Variants in TSC22D1 observed in about 807,000 individuals in gnomAD.
TSC22D1 encodes the protein TSC22 domain family protein 1.
Under a neutral mutation model 74.2 loss-of-function variants are expected in TSC22D1, and 9 were observed. The ratio of observed to expected loss-of-function variants is 0.12; its 90% CI spans 0.07 to 0.21. The LOEUF (loss-of-function observed/expected upper bound fraction) is 0.21. Among genes scored for constraint, TSC22D1 ranks in the 10% least tolerant of loss-of-function variants. The pLI, the probability that TSC22D1 is intolerant of heterozygous loss-of-function variation, is 1.00. For synonymous variants in TSC22D1, 586 were observed against 492.5 expected, an observed-to-expected ratio of 1.19 and a Z score of -2.51; for missense variants, 1,427 against 1,304.7, an observed-to-expected ratio of 1.09 and a Z score of -1.44.
intron 1 of TSC22D1, among the ~76,000 whole-genome samples, chr13:44,517,715 C>T (rs1205510080): frequency 7.0e-6 from 1 of 141,944 alleles, no homozygotes; most frequent in Non-Finnish European, 1.5e-5. Context: ...AAGTATTTTC[C>T]AGCTTAATAC....
chr13:44,434,039 T>TTTTGTCAC lies in TSC22D1; in HGVS notation c.*579_*586dup, dbSNP rs1177673636. ...CCTAGGTCCCAGCTACCTGTCACCA[T>TTTTGTCAC]TTTGTCACTCTCATAGTTTTGTGTC... On this transcript the variant is annotated 3_prime_UTR_variant, in exon 3 of 3. Transcript: ENST00000458659. 1.3e-6 allele frequency: 2 copies of TTTTGTCAC among 1,533,426 alleles called. No individual in the cohort carries two copies. Among genetic ancestry groups the TTTTGTCAC allele is most frequent in the African/African-American group, 2.7e-5 (2 of 72,900 alleles). The allele number at this position is 1,533,426 out of a possible 1,614,324, so 95.0% of individuals were successfully genotyped here. A position where few individuals can be genotyped will look rare whatever the true frequency, so the allele number is the denominator to read the frequency against.
At chr13:44,520,333 C>G (rs1880251543) in intron 1 of TSC22D1, among the ~76,000 whole-genome samples, 2 of 152,186 alleles carry the variant, frequency 1.3e-5, no homozygotes, top group African/African-American at 4.8e-5. Flanking sequence ...TCTACTGTTT[C>G]AAATGCTGCT....
chr13:44,456,293 C>T (rs571611846), intron 1 of TSC22D1, among the ~76,000 whole-genome samples: 2 of 152,182 alleles, frequency 1.3e-5, no homozygotes, highest in African/African-American at 4.8e-5. Context: ...CTTTTATTCC[C>T]TTATTTGGCC....
At position 44,573,175 on chromosome 13, in the gene TSC22D1, C is replaced by T; in HGVS notation, c.2900G>A (p.Gly967Asp). 3.1e-6 allele frequency: 5 copies of T among 1,613,812 alleles called. No homozygotes were observed. Among genetic ancestry groups the T allele is most frequent in the Non-Finnish European group, 4.2e-6 (5 of 1,179,812 alleles). The change falls in exon 1 of 3, where the codon GGC becomes GAC. Residue 967 changes from glycine to aspartate, a missense_variant. This residue lies in a region of TSC22D1 where 1,343 missense variants were observed against 1,191.5 expected (regional missense o/e 1.13). Coordinates refer to ENST00000458659, the MANE Select transcript of TSC22D1 (RefSeq NM_183422.4). ...VLPLTTPLVD[G>D]EDESSSGASV... is the part of the protein sequence containing the mutation. ...GACATGATCTTACCTCTCATCCTCGCCATCCACCAGGGGTGTCGTCAGCGG... is the reference window on the plus strand; with the variant it reads ...GACATGATCTTACCTCTCATCCTCGTCATCCACCAGGGGTGTCGTCAGCGG...
intron 1 of TSC22D1, among the ~76,000 whole-genome samples, chr13:44,455,956 G>C (rs764889295): frequency 1.3e-5 from 2 of 152,122 alleles, no homozygotes; most frequent in Admixed American, 6.5e-5. Flanking sequence ...AAAGTCCAAA[G>C]ACCATTGATA....
intron 1 of TSC22D1, among the ~76,000 whole-genome samples, chr13:44,478,201 G>A (rs949570388): frequency 1.3e-5 from 2 of 151,976 alleles, no homozygotes; most frequent in East Asian, 3.8e-4. Context: ...AATTCTGCAA[G>A]CCTTAAGTTA....
chr13:44,476,962 C>T (rs998197917), intron 1 of TSC22D1, among the ~76,000 whole-genome samples: 19 of 152,118 alleles, frequency 1.2e-4, no homozygotes, highest in African/African-American at 4.6e-4. Context: ...AGTTGCCACA[C>T]CTGGCCTGTT....
intron 1 of TSC22D1, among the ~76,000 whole-genome samples, chr13:44,506,605 C>A (rs1879460571): frequency 6.6e-6 from 1 of 152,068 alleles, no homozygotes; most frequent in South Asian, 2.1e-4. Flanking sequence ...CCTACACATC[C>A]TGCACATGTA....
At chr13:44,459,482 C>T (rs1463295192) in intron 1 of TSC22D1, among the ~76,000 whole-genome samples, 1 of 152,350 alleles carries the variant, frequency 6.6e-6, no homozygotes, top group South Asian at 2.1e-4. Context: ...CTGCCTTGCT[C>T]TCCCTCCAGT....
intron 1 of TSC22D1, among the ~76,000 whole-genome samples, chr13:44,469,711 A>C (rs1877490895): frequency 6.6e-6 from 1 of 152,190 alleles, no homozygotes; most frequent in Non-Finnish European, 1.5e-5. Context: ...AGGAAAATGT[A>C]CCCAATCCTA....
At chr13:44,538,247 T>C in intron 1 of TSC22D1, 1 of 985,360 alleles carries the variant, frequency 1.0e-6, no homozygotes, top group Non-Finnish European at 1.2e-6. Flanking sequence ...GCTACTTACA[T>C]CTCAAAAGAT....
chr13:44,549,647 C>T (rs949931425), intron 1 of TSC22D1, among the ~76,000 whole-genome samples: 6 of 151,664 alleles, frequency 4.0e-5, no homozygotes, highest in African/African-American at 1.2e-4. Context: ...CACCTGTAGT[C>T]CCAGCTACTT....
chr13:44,441,510 T>C (rs1875204840), intron 1 of TSC22D1, among the ~76,000 whole-genome samples: 2 of 152,188 alleles, frequency 1.3e-5, no homozygotes, highest in African/African-American at 4.8e-5. Flanking sequence ...AAAAATTGCA[T>C]GGCAGGAATG....
intron 1 of TSC22D1, among the ~76,000 whole-genome samples, chr13:44,497,344 T>C (rs1333733802): frequency 6.6e-6 from 1 of 152,150 alleles, no homozygotes; most frequent in Non-Finnish European, 1.5e-5. Context: ...ATAGGTAAAT[T>C]CATAGAAACA....
intron 1 of TSC22D1, among the ~76,000 whole-genome samples, chr13:44,502,259 T>TG (rs1441242162): frequency 6.6e-6 from 1 of 152,222 alleles, no homozygotes; most frequent in East Asian, 1.9e-4. Flanking sequence ...ATTGGATACT[T>TG]GCTTAAGATG....
Position 44,521,221 on chromosome 13 carries a change from C to T in TSC22D1, c.2912+51942G>A, listed in dbSNP as rs147237110. Reference sequence around the variant, plus strand: ...TGGGACTTCTAGGACGCTAACCCCCCACTATCAAATAATAAAAGATACAAA... The same window carrying T: ...TGGGACTTCTAGGACGCTAACCCCCTACTATCAAATAATAAAAGATACAAA... On this transcript the variant is annotated intron_variant, in intron 1 of 2. Transcript: ENST00000458659. Among the ~76,000 whole-genome samples the T allele has an allele frequency of 2.6e-5, 4 of 152,282 alleles. No homozygotes were observed. In the East Asian group the frequency reaches 5.8e-4, roughly 22 times the overall value.
intron 1 of TSC22D1, among the ~76,000 whole-genome samples, chr13:44,460,925 T>G (rs557778041): frequency 6.6e-6 from 1 of 152,358 alleles, no homozygotes; most frequent in African/African-American, 2.4e-5. Flanking sequence ...AACAATGGTT[T>G]TTCTTAGCAG....
At position 44,433,772 on chromosome 13, in the gene TSC22D1, T is replaced by C. The variant is rs1874258404; in HGVS notation, c.*854A>G. ...CTTCAGCGTATTCAGCAGCTAGATT[T>C]CAGATTACACAAAGTGAGTAACTGT... On this transcript the variant is annotated 3_prime_UTR_variant, in exon 3 of 3. Coordinates refer to ENST00000458659, the MANE Select transcript of TSC22D1 (RefSeq NM_183422.4). The C allele has an allele frequency of 3.8e-6, 2 of 521,762 alleles. No homozygotes were observed. Among genetic ancestry groups the C allele is most frequent in the African/African-American group, 2.0e-5 (1 of 49,640 alleles). The allele number at this position is 521,762 out of a possible 1,614,324, so 32.3% of individuals were successfully genotyped here.
chr13:44,509,613 C>CT (rs1879595358), intron 1 of TSC22D1, among the ~76,000 whole-genome samples: 1 of 152,132 alleles, frequency 6.6e-6, no homozygotes, highest in Non-Finnish European at 1.5e-5. Context: ...GCACTCCAGC[C>CT]TGGGCGACAG....
Sources: allele counts gnomAD v4.1 joint callset (sites outside exome capture counted in the v4.1 genomes callset), GRCh38; gene constraint gnomAD v4.1.1; regional missense constraint gnomAD v4.1.1; transcripts MANE v1.5; gene names NCBI Gene and HGNC (gene_info 2026-07-23, HGNC 2026-07-21).